EBF4: variants seen among roughly 807,000 people sequenced by gnomAD.
EBF4 encodes transcription factor COE4.
A neutral mutation model predicts 67.1 loss-of-function variants in EBF4; 34 were observed. The ratio of observed to expected loss-of-function variants is 0.51; its 90% CI spans 0.39 to 0.67. The LOEUF (loss-of-function observed/expected upper bound fraction) is 0.67, where lower values mean the gene tolerates loss of function less well. Among genes scored for constraint, EBF4 ranks in the 30% least tolerant of loss-of-function variants. The pLI, the probability that EBF4 is intolerant of heterozygous loss-of-function variation, is 0.00. For synonymous variants in EBF4, 387 were observed against 377.7 expected (o/e 1.02, Z -0.29); for missense variants, 837 against 873.3 (o/e 0.96, Z 0.52).
At chr20:2,737,478 G>A (rs1041498529) in intron 6 of EBF4, among the ~76,000 whole-genome samples, 2 of 152,098 alleles carry the variant, frequency 1.3e-5, no homozygotes, top group African/African-American at 4.8e-5. Flanking sequence ...ACCTCCCAGA[G>A]CTTCAGTTCC....
At chr20:2,706,579 A>G (rs2087462550) in intron 4 of EBF4, among the ~76,000 whole-genome samples, 1 of 151,976 alleles carries the variant, frequency 6.6e-6, no homozygotes, top group Non-Finnish European at 1.5e-5. Flanking sequence ...CAGGGGAGGG[A>G]GGTAAGCTGG....
At chr20:2,752,832 C>T (rs970317302) in intron 14 of EBF4, among the ~76,000 whole-genome samples, 15 of 152,258 alleles carry the variant, frequency 9.9e-5, no homozygotes, top group Admixed American at 4.6e-4. Context: ...CCTCCGGTCC[C>T]CCTGAAGTGG....
intron 1 of EBF4, among the ~76,000 whole-genome samples, chr20:2,703,014 A>G (rs1401411213): frequency 6.6e-6 from 1 of 151,986 alleles, no homozygotes; most frequent in Non-Finnish European, 1.5e-5. Flanking sequence ...AGTGGTTGGC[A>G]CCTGTAATCC....
intron 6 of EBF4, among the ~76,000 whole-genome samples, chr20:2,746,134 G>C (rs141605499): frequency 6.6e-6 from 1 of 152,118 alleles, no homozygotes; most frequent in Non-Finnish European, 1.5e-5. Context: ...GGAACATGTC[G>C]CACATGTGGG....
Position 2,756,879 on chromosome 20 carries a change from C to T in EBF4, c.1738+1055C>T, listed in dbSNP as rs1012690131. ...TCAGAGCCTTTCATGTGCCAGGGTA[C>T]GTTGTGAACCTTCTAGGAAACAGGA... On this transcript the variant is annotated intron_variant, in intron 15 of 16. Coordinates refer to ENST00000609451, the Ensembl canonical transcript of EBF4. This position sits in a 1 kb window ranked among gnomAD's most constrained non-coding sequence, Gnocchi z 4.5. Among the ~76,000 whole-genome samples, 2 of 152,154 alleles carry T rather than the reference C, an allele frequency of 1.3e-5. No homozygotes were observed. Among genetic ancestry groups the T allele is most frequent in the South Asian group, 2.1e-4 (1 of 4,818 alleles).
rs371477325 is a variant in EBF4, at chr20:2,752,897, T to C, written c.1540+352T>C. On this transcript the variant is annotated intron_variant, in intron 14 of 16. Transcript: ENST00000609451. Reference sequence around the variant, plus strand: ...AACCTGGGACACCGCCCCCTTCCCATCTCGCGCCCGGACTTGGGGAGGAGG... The same window carrying C: ...AACCTGGGACACCGCCCCCTTCCCACCTCGCGCCCGGACTTGGGGAGGAGG... Among the ~76,000 whole-genome samples the C allele has an allele frequency of 5.9e-5, 9 of 152,274 alleles. No individual in the cohort carries two copies. The East Asian group carries it at 1.5e-3, about 26-fold the overall frequency.
intron 6 of EBF4, among the ~76,000 whole-genome samples, chr20:2,710,564 T>G (rs1045022629): frequency 1.3e-4 from 7 of 54,986 alleles, no homozygotes; most frequent in African/African-American, 9.8e-4. Flanking sequence ...ACTGTACATG[T>G]TTTTTTTTTT....
rs1374486523 is a variant in EBF4, at chr20:2,755,831, G to C, written c.1738+7G>C. 7.8e-6 allele frequency: 12 copies of C among 1,544,840 alleles called. No individual in the cohort carries two copies. The East Asian group carries it at 2.9e-4, about 38-fold the overall frequency. ...CACGGAGAGGGGCTTCCAGGTGAGT[G>C]ATCCACCCTGCCTCACTGTGGCAGG... On this transcript the variant is annotated splice_region_variant and intron_variant, in intron 15 of 16. Transcript: ENST00000609451. This position sits in a 1 kb window ranked among gnomAD's most constrained non-coding sequence, Gnocchi z 4.7.
upstream of EBF4, chr20:2,693,289 C>T: frequency 1.1e-5 from 2 of 178,042 alleles, no homozygotes; most frequent in Non-Finnish European, 2.3e-5. The surrounding 1 kb of genome is among the most constrained non-coding windows in gnomAD (Gnocchi z 4.6). Context: ...CTCCGACGAC[C>T]GCGGCCCCGG....
At chr20:2,693,163 G>A (rs1221748740), upstream of EBF4, 2 of 156,282 alleles carry the variant, frequency 1.3e-5, no homozygotes, top group South Asian at 1.8e-4. The surrounding 1 kb of genome is among the most constrained non-coding windows in gnomAD (Gnocchi z 4.6). Flanking sequence ...TCAGCGCCCC[G>A]CGCTGGCGCC....
chr20:2,749,382 G>C lies in EBF4; in HGVS notation c.640-19G>C. 1.3e-6 allele frequency: 2 copies of C among 1,514,822 alleles called. No homozygotes were observed. Among genetic ancestry groups the C allele is most frequent in the Non-Finnish European group, 1.8e-6 (2 of 1,124,446 alleles). The allele number at this position is 1,514,822 out of a possible 1,614,324, so 93.8% of individuals were successfully genotyped here. On this transcript the variant is annotated intron_variant, in intron 7 of 16. Coordinates refer to ENST00000609451, the Ensembl canonical transcript of EBF4. Reference sequence around the variant, plus strand: ...GCCCCCGAGGGCCCCAGCCAGGCTGGCCTCGGCTCTCCCCGCAGGTGGTGG... The same window carrying C: ...GCCCCCGAGGGCCCCAGCCAGGCTGCCCTCGGCTCTCCCCGCAGGTGGTGG...
At chr20:2,702,935 C>G (rs535079505) in intron 1 of EBF4, among the ~76,000 whole-genome samples, 1 of 152,222 alleles carries the variant, frequency 6.6e-6, no homozygotes, top group Non-Finnish European at 1.5e-5. Flanking sequence ...AGTCATGTTT[C>G]CGAAACCATG....
rs561267233 is a variant in EBF4 at position 2,747,326 on chromosome 20, A to G, written c.558-1223A>G. 5.5e-3 allele frequency among the ~76,000 whole-genome samples: 833 copies of G among 151,952 alleles called. 19 individuals are homozygous for G. Among genetic ancestry groups the G allele is most frequent in the African/African-American group, 0.02 (809 of 41,412 alleles). On this transcript the variant is annotated intron_variant, in intron 6 of 16. Coordinates refer to ENST00000609451, the Ensembl canonical transcript of EBF4. This position sits in a 1 kb window ranked among gnomAD's most constrained non-coding sequence, Gnocchi z 4.6. Reference sequence around the variant, plus strand: ...CAAAAAACAAAACAAACAAAAAAAAAAAAACAGGAAAAAAAAGAGTACAAC... The same window carrying G: ...CAAAAAACAAAACAAACAAAAAAAAGAAAACAGGAAAAAAAAGAGTACAAC...
intron 6 of EBF4, among the ~76,000 whole-genome samples, chr20:2,710,430 A>G (rs1265999850): frequency 6.6e-6 from 1 of 152,202 alleles, no homozygotes; most frequent in Non-Finnish European, 1.5e-5. Context: ...GATTACAAAC[A>G]TGAGCCACTG....
chr20:2,702,478 A>C (rs2087390870), intron 1 of EBF4, among the ~76,000 whole-genome samples: 1 of 151,792 alleles, frequency 6.6e-6, no homozygotes, highest in Non-Finnish European at 1.5e-5. Context: ...TTGATCAGGG[A>C]CAAGAAGACT....
intron 6 of EBF4, among the ~76,000 whole-genome samples, chr20:2,733,270 CTTA>C (rs1356839521): frequency 6.6e-6 from 1 of 152,200 alleles, no homozygotes; most frequent in Non-Finnish European, 1.5e-5. Flanking sequence ...ATGTGGTGAT[CTTA>C]TTAAGGATTC....
intron 6 of EBF4, among the ~76,000 whole-genome samples, chr20:2,710,778 A>G (rs2087532145): frequency 6.6e-6 from 1 of 152,140 alleles, no homozygotes; most frequent in South Asian, 2.1e-4. Context: ...ATCCTTCCTG[A>G]GATAGTCTGT....
At chr20:2,693,511 C>T, upstream of EBF4, 2 of 1,096,722 alleles carry the variant, frequency 1.8e-6, no homozygotes, top group Non-Finnish European at 2.3e-6. The surrounding 1 kb of genome is among the most constrained non-coding windows in gnomAD (Gnocchi z 4.6). Flanking sequence ...GAGGCGAGCG[C>T]GCACTGAGCC....
rs74324933 is a variant in EBF4, at chr20:2,698,109, T to C, written c.137+4327T>C. ...TGGAGTGGGGAGTCTTTAGGTAGAA[T>C]TGAGGGCCAAAAGAAGAGGGGGAGA... is the stretch of plus-strand genomic sequence containing the variant. On this transcript the variant is annotated intron_variant, in intron 1 of 16. Coordinates refer to ENST00000609451, the Ensembl canonical transcript of EBF4. Among the ~76,000 whole-genome samples the C allele has an allele frequency of 6.0e-3, 906 of 152,204 alleles. 8 individuals are homozygous for C. Among genetic ancestry groups the C allele is most frequent in the African/African-American group, 0.021 (865 of 41,520 alleles).
Sources: gnomAD v4.1 joint callset for allele counts (sites outside exome capture counted in the v4.1 genomes callset) on GRCh38, gnomAD v4.1.1 for gene constraint, Gnocchi (gnomAD v3.1) non-coding constraint, MANE v1.5 for transcripts, NCBI Gene and HGNC (gene_info 2026-07-23, HGNC 2026-07-21) for gene names.